The following NRG1 variants were observed in gnomAD, a reference collection of about 807,000 sequenced individuals.
The protein encoded by NRG1 is pro-neuregulin-1, membrane-bound isoform.
NRG1 carries 18 observed loss-of-function variants against 63.8 expected under a neutral mutation model. That is an observed-to-expected ratio of 0.28 (90% CI 0.19 to 0.42). The LOEUF (loss-of-function observed/expected upper bound fraction) is 0.42, where lower values mean the gene tolerates loss of function less well. Among genes scored for constraint, NRG1 ranks in the 10% least tolerant of loss-of-function variants. The probability of loss-of-function intolerance (pLI) is 1.00; values close to 1 mark genes in which losing one functional copy is unlikely to be tolerated. For missense variants in NRG1, 762 were observed against 814.7 expected, an observed-to-expected ratio of 0.94 and a Z score of 0.79; for synonymous variants, 302 against 301.3, an observed-to-expected ratio of 1.00 and a Z score of -0.02.
intron 7 of NRG1, among the ~76,000 whole-genome samples, chr8:32,750,404 G>C (rs1257507109): frequency 1.3e-5 from 2 of 152,138 alleles, no homozygotes; most frequent in African/African-American, 2.4e-5. Flanking sequence ...TCTCTGGGGA[G>C]TAAGGAGCTG....
chr8:32,531,675 G>A (rs1216242087), intron 1 of NRG1, among the ~76,000 whole-genome samples: 2 of 152,144 alleles, frequency 1.3e-5, no homozygotes, highest in Non-Finnish European at 2.9e-5. Context: ...TACTTAGGGT[G>A]TTGTATGGGT....
At chr8:32,210,883 T>C (rs984462973) in intron 1 of NRG1, among the ~76,000 whole-genome samples, 11 of 152,192 alleles carry the variant, frequency 7.2e-5, no homozygotes, top group African/African-American at 2.7e-4. Context: ...TAACCATAGA[T>C]AAATGTCCCA....
chr8:32,617,824 AGTT>A (rs1467803056), intron 5 of NRG1, among the ~76,000 whole-genome samples: 1 of 152,094 alleles, frequency 6.6e-6, no homozygotes, highest in African/African-American at 2.4e-5. Context: ...TGGCAATTTA[AGTT>A]GTTTTGTCAA....
intron 1 of NRG1, among the ~76,000 whole-genome samples, chr8:31,742,455 A>ATTTTTTTTTTTTTTTTTTTTTTTTTTTT (rs36040084): frequency 1.2e-5 from 1 of 80,026 alleles, no homozygotes; most frequent in Non-Finnish European, 2.3e-5. Flanking sequence ...TTTTTTAAGA[A>ATTTTTTTTTTTTTTTTTTTTTTTTTTTT]TTTTTTTTTT....
intron 1 of NRG1, among the ~76,000 whole-genome samples, chr8:32,073,591 C>T (rs557748378): frequency 9.9e-5 from 15 of 152,144 alleles, no homozygotes; most frequent in Non-Finnish European, 1.0e-4. Context: ...CTAATACCAC[C>T]GTTGTTTTAC....
chr8:31,863,691 C>T (rs1383890), intron 1 of NRG1, among the ~76,000 whole-genome samples: 91,604 of 152,150 alleles, frequency 0.6, 27,958 homozygotes, highest in East Asian at 0.88. Context: ...TTACCGTTCT[C>T]AGAAAGTCCT....
chr8:32,694,617 C>G (rs1391128414), intron 5 of NRG1, among the ~76,000 whole-genome samples: 1 of 152,066 alleles, frequency 6.6e-6, no homozygotes, highest in Non-Finnish European at 1.5e-5. Context: ...AGATCCTGAG[C>G]CTAAATAAAA....
chr8:31,879,553 T>A (rs2129612560), intron 1 of NRG1, among the ~76,000 whole-genome samples: 2 of 152,302 alleles, frequency 1.3e-5, no homozygotes, highest in South Asian at 4.1e-4. Context: ...AGCATTTTTT[T>A]AATTCCTTAT....
chr8:31,904,783 AC>A (rs781060539), intron 1 of NRG1, among the ~76,000 whole-genome samples: 2 of 152,088 alleles, frequency 1.3e-5, no homozygotes, highest in African/African-American at 2.4e-5. Context: ...GAAACAGAAA[AC>A]CAAATGCTGA....
At chr8:31,938,533 C>T (rs928678125) in intron 1 of NRG1, among the ~76,000 whole-genome samples, 1 of 151,992 alleles carries the variant, frequency 6.6e-6, no homozygotes, top group African/African-American at 2.4e-5. Context: ...TACCAGCTCA[C>T]CAGCAATGGA....
intron 5 of NRG1, among the ~76,000 whole-genome samples, chr8:32,620,387 G>T (rs1466165720): frequency 6.6e-6 from 1 of 152,074 alleles, no homozygotes; most frequent in East Asian, 1.9e-4. Flanking sequence ...GTATTAAACA[G>T]TTCTCTGCGA....
At chr8:32,000,315 G>C (rs1047208000) in intron 1 of NRG1, among the ~76,000 whole-genome samples, 1 of 151,956 alleles carries the variant, frequency 6.6e-6, no homozygotes, top group Non-Finnish European at 1.5e-5. Context: ...CAGTGTCTCA[G>C]TGATGTGCCT....
At chr8:32,294,727 G>C (rs1306617963) in intron 1 of NRG1, among the ~76,000 whole-genome samples, 1 of 151,732 alleles carries the variant, frequency 6.6e-6, no homozygotes, top group Admixed American at 6.6e-5. Context: ...AGAGGCTCTG[G>C]CAGACTTGTA....
intron 1 of NRG1, among the ~76,000 whole-genome samples, chr8:31,953,610 G>C (rs1803844853): frequency 6.6e-6 from 1 of 152,150 alleles, no homozygotes. Context: ...AGGAGAAAGA[G>C]TAGTTCACTG....
chr8:31,842,173 T>A (rs1826258619), intron 1 of NRG1, among the ~76,000 whole-genome samples: 1 of 152,256 alleles, frequency 6.6e-6, no homozygotes, highest in Admixed American at 6.5e-5. Context: ...GGTTCCCTAA[T>A]TGTTGGACAA....
chr8:32,347,545 G>A (rs139857471), intron 1 of NRG1, among the ~76,000 whole-genome samples: 2 of 152,288 alleles, frequency 1.3e-5, no homozygotes, highest in East Asian at 3.9e-4. Context: ...ATATAGTAAT[G>A]AAAGTATAAT....
Position 32,742,602 on chromosome 8 carries a change from T to G in NRG1, c.633-73T>G, listed in dbSNP as rs961142232. ...TCAGTCAAATGACACTGAAGGAGCT[T>G]CTTTCTAGCATATATTCACCTCTTC... is the stretch of plus-strand genomic sequence containing the variant. On this transcript the variant is annotated intron_variant, in intron 6 of 11. Transcript: ENST00000356819. The surrounding 1 kb of genome is among the most constrained non-coding windows in gnomAD (Gnocchi z 4.2). The G allele has an allele frequency of 4.2e-6, 6 of 1,413,424 alleles. No individual in the cohort carries two copies. The highest frequency in any genetic ancestry group is 5.0e-6 in the Non-Finnish European group (5 of 1,005,744). 87.6% of individuals were successfully genotyped at this position (1,413,424 alleles called of 1,614,324 possible). A position where few individuals can be genotyped will look rare whatever the true frequency, so the allele number is the denominator to read the frequency against.
At chr8:32,574,563 T>G (rs1006900400) in intron 1 of NRG1, among the ~76,000 whole-genome samples, 1 of 152,174 alleles carries the variant, frequency 6.6e-6, no homozygotes, top group African/African-American at 2.4e-5. Context: ...CTCATGATAA[T>G]GACTAAGATC....
chr8:32,562,113 A>C (rs1045337863), intron 1 of NRG1, among the ~76,000 whole-genome samples: 1 of 151,888 alleles, frequency 6.6e-6, no homozygotes, highest in African/African-American at 2.4e-5. Context: ...GGTGGTAGAG[A>C]CTCCTAAAGT....
Sources: allele counts gnomAD v4.1 joint callset (sites outside exome capture counted in the v4.1 genomes callset), GRCh38; gene constraint gnomAD v4.1.1; non-coding constraint Gnocchi (gnomAD v3.1); transcripts MANE v1.5; gene names NCBI Gene and HGNC (gene_info 2026-07-23, HGNC 2026-07-21).